Variants in SVOP observed in about 807,000 individuals in gnomAD.
SVOP encodes the protein synaptic vesicle 2-related protein.
A neutral mutation model predicts 69.1 loss-of-function variants in SVOP; 17 were observed. The observed-to-expected ratio is 0.25, with a 90% confidence interval of 0.17 to 0.37. The LOEUF is 0.37. Among genes scored for constraint, SVOP ranks in the 10% least tolerant of loss-of-function variants. The probability of loss-of-function intolerance (pLI) is 1.00; values close to 1 mark genes in which losing one functional copy is unlikely to be tolerated. For synonymous variants in SVOP, 238 were observed against 238.6 expected (o/e 1.00, Z 0.02); for missense variants, 435 against 597.5 (o/e 0.73, Z 2.84).
chr12:109,003,521 T>G (rs2040286425), intron 1 of SVOP, among the ~76,000 whole-genome samples: 1 of 152,232 alleles, frequency 6.6e-6, no homozygotes, highest in African/African-American at 2.4e-5. Flanking sequence ...GCAACCTGTC[T>G]TCTCCAAGTC....
intron 1 of SVOP, among the ~76,000 whole-genome samples, chr12:108,995,982 A>G (rs1185078717): frequency 6.6e-6 from 1 of 152,030 alleles, no homozygotes; most frequent in Non-Finnish European, 1.5e-5. Context: ...ACATACATAC[A>G]TACACACACA....
intron 5 of SVOP, among the ~76,000 whole-genome samples, chr12:108,969,366 C>T (rs1449068720): frequency 8.6e-6 from 1 of 116,114 alleles, no homozygotes; most frequent in East Asian, 3.1e-4. Context: ...TTTCTTCTTT[C>T]CCCCTTTCCT....
intron 8 of SVOP, among the ~76,000 whole-genome samples, chr12:108,939,710 C>T (rs915984699): frequency 6.6e-6 from 1 of 152,106 alleles, no homozygotes; most frequent in Non-Finnish European, 1.5e-5. Context: ...ATTCTGTTTC[C>T]TTTTTCATAG....
intron 3 of SVOP, among the ~76,000 whole-genome samples, chr12:108,977,883 A>G (rs1459843888): frequency 1.3e-5 from 2 of 152,216 alleles, no homozygotes; most frequent in Non-Finnish European, 1.5e-5. Context: ...TCATTTGTTC[A>G]TGTAGAATAG....
At chr12:108,935,136 G>C (rs2039848744) in intron 10 of SVOP, among the ~76,000 whole-genome samples, 1 of 152,200 alleles carries the variant, frequency 6.6e-6, no homozygotes, top group Non-Finnish European at 1.5e-5. Flanking sequence ...ACCTCTGGAA[G>C]AAAACAGCCC....
intron 1 of SVOP, among the ~76,000 whole-genome samples, chr12:109,004,863 G>A (rs1000499337): frequency 1.3e-5 from 2 of 151,700 alleles, no homozygotes; most frequent in African/African-American, 4.8e-5. Context: ...TCATCCCCCC[G>A]AGTAGCTGGG....
intron 1 of SVOP, among the ~76,000 whole-genome samples, chr12:109,002,556 C>A (rs1192552364): frequency 6.8e-6 from 1 of 147,260 alleles, no homozygotes; most frequent in Non-Finnish European, 1.5e-5. Context: ...TTGGAACCAA[C>A]CCAAATGTCC....
chr12:108,919,165 C>T (rs1425595115), intron 13 of SVOP, among the ~76,000 whole-genome samples: 3 of 151,930 alleles, frequency 2.0e-5, no homozygotes, highest in African/African-American at 4.8e-5. Context: ...TGGGCCTCAC[C>T]CACACTTGTA....
chr12:108,938,470 AC>A (rs1169369185), intron 9 of SVOP, among the ~76,000 whole-genome samples: 1 of 152,226 alleles, frequency 6.6e-6, no homozygotes, highest in Non-Finnish European at 1.5e-5. Context: ...GTTTTATTGC[AC>A]AGCTTTTGCC....
chr12:109,005,594 C>G (rs1008814351), intron 1 of SVOP, among the ~76,000 whole-genome samples: 3 of 152,136 alleles, frequency 2.0e-5, no homozygotes, highest in Admixed American at 2.0e-4. Context: ...GGAAATATAT[C>G]TTGAGGAGGA....
chr12:108,990,213 C>A (rs947898913), intron 1 of SVOP, among the ~76,000 whole-genome samples: 3 of 152,106 alleles, frequency 2.0e-5, no homozygotes, highest in Non-Finnish European at 2.9e-5. Context: ...TGGAAAACAG[C>A]GTGTGTTCTG....
intron 1 of SVOP, among the ~76,000 whole-genome samples, chr12:108,992,273 G>T (rs541519095): frequency 6.6e-6 from 1 of 152,092 alleles, no homozygotes; most frequent in African/African-American, 2.4e-5. Flanking sequence ...GGGTGCAGTG[G>T]CTCACACCTG....
chr12:108,980,848 C>T (rs2040131921), intron 2 of SVOP, among the ~76,000 whole-genome samples: 1 of 151,968 alleles, frequency 6.6e-6, no homozygotes, highest in African/African-American at 2.4e-5. Context: ...TCGCTTGAAC[C>T]CAGGAGGTGG....
At chr12:109,006,058 T>A (rs1446607086) in intron 1 of SVOP, among the ~76,000 whole-genome samples, 1 of 152,176 alleles carries the variant, frequency 6.6e-6, no homozygotes, top group African/African-American at 2.4e-5. Flanking sequence ...TTTGTTTTGT[T>A]TTGTTTTGTT....
chr12:108,917,545 A>G (rs1415779248), intron 14 of SVOP, among the ~76,000 whole-genome samples: 1 of 122,402 alleles, frequency 8.2e-6, no homozygotes, highest in Admixed American at 9.7e-5. Context: ...AGTAAAATAC[A>G]TAAATGGTAT....
chr12:108,922,203 C>A (rs573736129), intron 12 of SVOP, among the ~76,000 whole-genome samples: 8 of 152,256 alleles, frequency 5.3e-5, no homozygotes, highest in African/African-American at 1.9e-4. Context: ...GAGCAAAGGG[C>A]AGGTTGGCTT....
At chr12:108,955,196 CTGTT>C (rs2039978513) in intron 6 of SVOP, among the ~76,000 whole-genome samples, 3 of 152,262 alleles carry the variant, frequency 2.0e-5, no homozygotes, top group South Asian at 4.1e-4. Flanking sequence ...AATCCAGTGA[CTGTT>C]TGAAGTCTAT....
intron 5 of SVOP, among the ~76,000 whole-genome samples, chr12:108,971,154 C>T (rs1254637403): frequency 2.0e-5 from 3 of 152,140 alleles, no homozygotes; most frequent in Non-Finnish European, 4.4e-5. Flanking sequence ...TTTGGCTGAG[C>T]ACAGTGGCTC....
intron 1 of SVOP, among the ~76,000 whole-genome samples, chr12:108,992,869 G>A (rs1593202434): frequency 1.3e-5 from 2 of 152,128 alleles, no homozygotes; most frequent in East Asian, 3.9e-4. Context: ...TGATGGTTAA[G>A]ATGGAAAAAA....
Sources: allele counts gnomAD v4.1 joint callset (sites outside exome capture counted in the v4.1 genomes callset), GRCh38; gene constraint gnomAD v4.1.1; transcripts MANE v1.5; gene names NCBI Gene and HGNC (gene_info 2026-07-23, HGNC 2026-07-21).